Variants in SHQ1 observed in about 807,000 individuals in gnomAD.
SHQ1 encodes the protein protein SHQ1 homolog.
SHQ1 carries 49 observed loss-of-function variants against 53.8 expected under a neutral mutation model. The observed-to-expected ratio is 0.91, with a 90% confidence interval of 0.72 to 1.16. SHQ1 has a LOEUF of 1.16. SHQ1 is among the 50% of genes most tolerant of loss of function. SHQ1 has a pLI of 0.00. For missense variants in SHQ1, 738 were observed against 683.1 expected, an observed-to-expected ratio of 1.08 and a Z score of -0.90; for synonymous variants, 243 against 251.0, an observed-to-expected ratio of 0.97 and a Z score of 0.30.
At chr3:72,842,146 G>T in intron 3 of SHQ1, 134 bp downstream of exon 3, 1 of 919,820 alleles carries the variant, frequency 1.1e-6, no homozygotes, top group Non-Finnish European at 1.6e-6. Context: ...TTTTCATATG[G>T]TTTCACATGA....
intron 10 of SHQ1, among the ~76,000 whole-genome samples, chr3:72,787,394 A>C (rs1044058208): frequency 3.9e-5 from 6 of 152,214 alleles, no homozygotes; most frequent in Non-Finnish European, 5.9e-5. Flanking sequence ...AGGATTTTAG[A>C]TTTTAGTTTC....
chr3:72,777,490 C>T (rs1171497140), intron 10 of SHQ1, among the ~76,000 whole-genome samples: 1 of 152,186 alleles, frequency 6.6e-6, no homozygotes, highest in East Asian at 1.9e-4. Flanking sequence ...AAAATTACAA[C>T]AGAAACTATT....
chr3:72,825,473 C>T (rs1707623102), intron 5 of SHQ1, among the ~76,000 whole-genome samples: 2 of 151,696 alleles, frequency 1.3e-5, no homozygotes, highest in Non-Finnish European at 2.9e-5. Flanking sequence ...TTTAAAGTTC[C>T]TTAAACTACT....
At chr3:72,769,819 T>C (rs1705807044) in intron 10 of SHQ1, among the ~76,000 whole-genome samples, 1 of 151,634 alleles carries the variant, frequency 6.6e-6, no homozygotes, top group African/African-American at 2.4e-5. Context: ...TTATCAGGGG[T>C]CATGTGTTCT....
At chr3:72,846,251 G>A (rs1301832720) in intron 1 of SHQ1, 2 of 1,535,494 alleles carry the variant, frequency 1.3e-6, no homozygotes, top group Non-Finnish European at 1.7e-6. Flanking sequence ...ATTCTTCAAG[G>A]AGAGGGACCA....
chr3:72,827,833 C>T (rs1177541303), intron 5 of SHQ1, among the ~76,000 whole-genome samples: 2 of 148,996 alleles, frequency 1.3e-5, no homozygotes, highest in Admixed American at 6.7e-5. Flanking sequence ...CGGCTCACTG[C>T]AAGCTCCGCC....
At chr3:72,743,133 G>A in the SHQ1 span, among the ~76,000 whole-genome samples, 2 of 152,170 alleles carry the variant, frequency 1.3e-5, no homozygotes, top group African/African-American at 4.8e-5. Context: ...ACGCTACCCT[G>A]TTTGGTTTTG....
the SHQ1 span, among the ~76,000 whole-genome samples, chr3:72,731,872 G>C: frequency 1.3e-5 from 2 of 151,328 alleles, no homozygotes; most frequent in Non-Finnish European, 1.5e-5. Context: ...CAATGTGCCA[G>C]TTATGGGGGC....
chr3:72,799,743 T>G lies in SHQ1; in HGVS notation c.1061-6707A>C, dbSNP rs577068395. The stretch of plus-strand genomic sequence containing the variant: ...AAAAAGTATTGTTATTAAAATTACA[T>G]ATATTATCTGTATACTCGCAAACAA... On this transcript the variant is annotated intron_variant, in intron 9 of 10. Transcript: ENST00000325599. Among the ~76,000 whole-genome samples, 3 of 152,342 alleles carry G rather than the reference T, an allele frequency of 2.0e-5. No individual in the cohort carries two copies. The South Asian group carries it at 6.2e-4, about 32-fold the overall frequency.
chr3:72,818,714 A>T (rs1348125112), intron 6 of SHQ1, among the ~76,000 whole-genome samples: 1 of 152,194 alleles, frequency 6.6e-6, no homozygotes, highest in East Asian at 1.9e-4. Flanking sequence ...AGTCATTTCC[A>T]TGATTATATT....
the SHQ1 span, among the ~76,000 whole-genome samples, chr3:72,738,969 CG>C: frequency 6.6e-6 from 1 of 152,184 alleles, no homozygotes; most frequent in Non-Finnish European, 1.5e-5. Context: ...TGCGCGGCTC[CG>C]GGGAGAGCTG....
chr3:72,792,795 A>AC, intron 10 of SHQ1, 121 bp downstream of exon 10: 4 of 694,950 alleles, frequency 5.8e-6, no homozygotes, highest in Non-Finnish European at 6.6e-6. Context: ...AAAAAAAAAA[A>AC]AAAAAAAAAA....
intron 10 of SHQ1, chr3:72,772,744 G>T: frequency 1.3e-6 from 1 of 746,798 alleles, no homozygotes. Context: ...TACTCCCGTG[G>T]ATGATCTTCA....
At chr3:72,835,632 A>G (rs1477294673) in intron 4 of SHQ1, among the ~76,000 whole-genome samples, 3 of 152,198 alleles carry the variant, frequency 2.0e-5, no homozygotes, top group African/African-American at 7.2e-5. Flanking sequence ...GAGTAGCCCC[A>G]GACTGTGAGC....
chr3:72,838,191 G>A (rs1252890525), intron 4 of SHQ1, among the ~76,000 whole-genome samples: 4 of 152,190 alleles, frequency 2.6e-5, no homozygotes, highest in South Asian at 4.1e-4. Flanking sequence ...AATCTGTATC[G>A]GTTCAGGTTA....
chr3:72,765,813 A>G (rs1198921490), intron 10 of SHQ1, among the ~76,000 whole-genome samples: 1 of 152,050 alleles, frequency 6.6e-6, no homozygotes, highest in East Asian at 1.9e-4. Context: ...TTGGCCTCCC[A>G]AAGTTCTAGG....
rs17010149 is a variant in SHQ1 at position 72,800,321 on chromosome 3, C to T, written c.1061-7285G>A. ...TTCTGTTACAGCAGCACGAAACAGACGTTAAGTAATTAGGAGCTACCCACT... is the reference window on the plus strand; with the variant it reads ...TTCTGTTACAGCAGCACGAAACAGATGTTAAGTAATTAGGAGCTACCCACT... On this transcript the variant is annotated intron_variant, in intron 9 of 10. Transcript: ENST00000325599. Among the ~76,000 whole-genome samples, 132 of 152,290 alleles carry T rather than the reference C, an allele frequency of 8.7e-4. No individual in the cohort carries two copies. In the East Asian group the frequency reaches 0.021, roughly 24 times the overall value.
At chr3:72,837,505 A>C (rs1433319769) in intron 4 of SHQ1, among the ~76,000 whole-genome samples, 1 of 152,174 alleles carries the variant, frequency 6.6e-6, no homozygotes, top group African/African-American at 2.4e-5. Flanking sequence ...TATTATTAGA[A>C]ACAAAAAAGC....
chr3:72,753,213 C>T (rs1050703805), intron 10 of SHQ1: 6 of 985,180 alleles, frequency 6.1e-6, no homozygotes, highest in Admixed American at 1.2e-4. Context: ...TTCCCTGACT[C>T]CAAAGATTAA....
Sources: gnomAD v4.1 joint callset for allele counts (sites outside exome capture counted in the v4.1 genomes callset) on GRCh38, gnomAD v4.1.1 for gene constraint, MANE v1.5 for transcripts, NCBI Gene and HGNC (gene_info 2026-07-23, HGNC 2026-07-21) for gene names.